The following ALKAL2 variants were observed in gnomAD, a reference collection of about 807,000 sequenced individuals.
ALKAL2 encodes the protein ALK and LTK ligand 2.
Under a neutral mutation model 18.5 loss-of-function variants are expected in ALKAL2, and 8 were observed. The ratio of observed to expected loss-of-function variants is 0.43; its 90% CI spans 0.25 to 0.78. The LOEUF is 0.78. ALKAL2 is among the 30% of genes least tolerant of loss of function. The probability of loss-of-function intolerance (pLI) is 0.22; values close to 1 mark genes in which losing one functional copy is unlikely to be tolerated. For synonymous variants in ALKAL2, 135 were observed against 95.8 expected (o/e 1.41, Z -2.39); for missense variants, 241 against 211.2 (o/e 1.14, Z -0.88).
At chr2:287,258 T>C (rs1038098555) in intron 2 of ALKAL2, 3 of 248,562 alleles carry the variant, frequency 1.2e-5, no homozygotes, top group Non-Finnish European at 2.3e-5. Context: ...GGCAGGGCCA[T>C]GAAGGAGCCT....
intron 5 of ALKAL2, among the ~76,000 whole-genome samples, chr2:281,545 A>G (rs1468413371): frequency 6.6e-6 from 1 of 152,222 alleles, no homozygotes; most frequent in Non-Finnish European, 1.5e-5. Context: ...GTGCGCACGC[A>G]GAGACCCATA....
chr2:280,737 T>C (rs909299879), intron 5 of ALKAL2, among the ~76,000 whole-genome samples: 2 of 152,108 alleles, frequency 1.3e-5, no homozygotes, highest in African/African-American at 4.8e-5. Flanking sequence ...GACAATGAAG[T>C]GTATCTGTGA....
chr2:279,939 C>A lies in ALKAL2; in HGVS notation c.*208G>T. On this transcript the variant is annotated 3_prime_UTR_variant, in exon 6 of 6. Transcript: ENST00000403610. ...TTGTGTTTTTTTTTTAAATAAGTGACAGATAACACTGTCAAGTACACTGAT... is the reference window on the plus strand; with the variant it reads ...TTGTGTTTTTTTTTTAAATAAGTGAAAGATAACACTGTCAAGTACACTGAT... The A allele has an allele frequency of 1.9e-6, 1 of 517,868 alleles. No individual in the cohort carries two copies. Among genetic ancestry groups the A allele is most frequent in the East Asian group, 2.8e-5 (1 of 35,486 alleles). 32.1% of individuals were successfully genotyped at this position (517,868 alleles called of 1,614,324 possible).
At chr2:283,083 G>A (rs1289826931) in intron 5 of ALKAL2, 28 bp downstream of exon 5, 2 of 1,596,470 alleles carry the variant, frequency 1.3e-6, no homozygotes, top group Non-Finnish European at 1.7e-6. Context: ...TTTGGTATGT[G>A]CTCCAGTGTG....
At chr2:283,079 A>G (rs749765851) in intron 5 of ALKAL2, 32 bp downstream of exon 5, 35 of 1,584,062 alleles carry the variant, frequency 2.2e-5, no homozygotes, top group Non-Finnish European at 2.9e-5. Context: ...CATCTTTGGT[A>G]TGTGCTCCAG....
intron 4 of ALKAL2, among the ~76,000 whole-genome samples, chr2:285,262 A>G (rs1157866072): frequency 2.0e-5 from 3 of 152,218 alleles, no homozygotes; most frequent in Admixed American, 6.5e-5. Context: ...CTAAACAAAG[A>G]AAAGCACTTA....
chr2:287,526 A>G, intron 2 of ALKAL2, 57 bp downstream of exon 2: 1 of 1,238,520 alleles, frequency 8.1e-7, no homozygotes, highest in Non-Finnish European at 1.0e-6. Flanking sequence ...CGTGTTTCTC[A>G]AAGACAATTC....
At chr2:287,439 T>C (rs1231635967) in intron 2 of ALKAL2, 144 bp downstream of exon 2, 6 of 636,084 alleles carry the variant, frequency 9.4e-6, no homozygotes, top group Non-Finnish European at 1.1e-5. Context: ...GCTGCTATTT[T>C]CTTTTTCTTA....
chr2:281,047 A>G (rs1038824286), intron 5 of ALKAL2, among the ~76,000 whole-genome samples: 1 of 152,226 alleles, frequency 6.6e-6, no homozygotes, highest in Admixed American at 6.5e-5. Flanking sequence ...ACCCTGGGAC[A>G]CCTGCCCTGC....
At chr2:286,029 T>A in intron 4 of ALKAL2, 94 bp downstream of exon 4, 1 of 1,105,102 alleles carries the variant, frequency 9.0e-7, no homozygotes, top group South Asian at 1.5e-5. Context: ...AAATTTGAGC[T>A]AAGAAGGCAG....
intron 4 of ALKAL2, among the ~76,000 whole-genome samples, chr2:284,320 C>G (rs1442994200): frequency 6.6e-6 from 1 of 152,186 alleles, no homozygotes; most frequent in East Asian, 1.9e-4. Context: ...AGATTTTGTT[C>G]AACAAGTCTA....
intron 2 of ALKAL2, 152 bp downstream of exon 2, chr2:287,431 T>G (rs1670554485): frequency 3.4e-6 from 2 of 595,794 alleles, no homozygotes; most frequent in East Asian, 3.6e-5. Flanking sequence ...GACCTATTGC[T>G]GCTATTTTCT....
At chr2:286,660 A>C (rs1358951281) in intron 2 of ALKAL2, 1 of 235,568 alleles carries the variant, frequency 4.2e-6, no homozygotes, top group Non-Finnish European at 8.1e-6. Context: ...TTAAACATTT[A>C]ACTTCCAGTG....
chr2:287,334 C>T, intron 2 of ALKAL2: 1 of 375,266 alleles, frequency 2.7e-6, no homozygotes, highest in Non-Finnish European at 4.7e-6. Flanking sequence ...TGACGGTTGA[C>T]AGTTTAGTGT....
At chr2:287,398 T>C (rs1670552177) in intron 2 of ALKAL2, 185 bp downstream of exon 2, 1 of 457,132 alleles carries the variant, frequency 2.2e-6, no homozygotes, top group Non-Finnish European at 3.6e-6. Flanking sequence ...GACCAGGCGC[T>C]TCTCCGCCAG....
chr2:283,645 A>G (rs1670420798), intron 4 of ALKAL2: 2 of 963,912 alleles, frequency 2.1e-6, no homozygotes, highest in South Asian at 4.8e-5. Context: ...CCTGGAGTGG[A>G]TGGCGAGCGG....
In ALKAL2 at chr2:287,837, G is replaced by A. The variant is rs1224090610; in HGVS notation, c.-2C>T. ...GAGGGGGTGCCCGGGTCCGCGCATC[G>A]TGCGCTCGGGGCCGCGGGGCTGGGA... On this transcript the variant is annotated 5_prime_UTR_variant, in exon 2 of 6. In the 5' UTR this introduces an upstream ATG that the reference lacks. Coordinates refer to ENST00000403610, the MANE Select transcript of ALKAL2 (RefSeq NM_001002919.3). The A allele has an allele frequency of 1.5e-6, 2 of 1,307,218 alleles. No individual in the cohort carries two copies. Among genetic ancestry groups the A allele is most frequent in the South Asian group, 4.8e-5 (2 of 41,664 alleles). 81.0% of individuals were successfully genotyped at this position (1,307,218 alleles called of 1,614,324 possible). A position where few individuals can be genotyped will look rare whatever the true frequency, so the allele number is the denominator to read the frequency against.
In ALKAL2 at chr2:279,878, T is replaced by G; in HGVS notation, c.*269A>C. 2.3e-6 allele frequency: 1 copy of G among 428,604 alleles called. No homozygotes were observed. The allele number at this position is 428,604 out of a possible 1,614,324, so 26.6% of individuals were successfully genotyped here. A position where few individuals can be genotyped will look rare whatever the true frequency, so the allele number is the denominator to read the frequency against. Reference sequence around the variant, plus strand: ...ATGAAGACAATGAAATATTCTGTGTTTTATAGCACTACACGTCAAATGTGG... The same window carrying G: ...ATGAAGACAATGAAATATTCTGTGTGTTATAGCACTACACGTCAAATGTGG... On this transcript the variant is annotated 3_prime_UTR_variant, in exon 6 of 6. Transcript: ENST00000403610.
chr2:282,155 C>T (rs769188705), intron 5 of ALKAL2, among the ~76,000 whole-genome samples: 65 of 152,324 alleles, frequency 4.3e-4, no homozygotes, highest in Non-Finnish European at 6.8e-4. Context: ...CGCCATGCCT[C>T]CTGCCGGTGT....
Sources: allele counts gnomAD v4.1 joint callset (sites outside exome capture counted in the v4.1 genomes callset), GRCh38; gene constraint gnomAD v4.1.1; transcripts MANE v1.5; gene names NCBI Gene and HGNC (gene_info 2026-07-23, HGNC 2026-07-21).